Variants in ABI3BP observed in about 807,000 individuals in gnomAD.
ABI3BP encodes ABI family member 3 binding protein.
A neutral mutation model predicts 268.6 loss-of-function variants in ABI3BP; 216 were observed. The observed-to-expected ratio is 0.80, with a 90% confidence interval of 0.72 to 0.90. The LOEUF (loss-of-function observed/expected upper bound fraction) is 0.90, where lower values mean the gene tolerates loss of function less well. ABI3BP is among the 40% of genes least tolerant of loss of function. ABI3BP has a pLI of 0.00. For missense variants in ABI3BP, 2,090 were observed against 2,182.4 expected (o/e 0.96, Z 0.84); for synonymous variants, 730 against 730.0 (o/e 1.00, Z 0.00).
At chr3:100,910,509 A>G (rs1357653006) in intron 2 of ABI3BP, among the ~76,000 whole-genome samples, 2 of 152,056 alleles carry the variant, frequency 1.3e-5, no homozygotes, top group African/African-American at 4.8e-5. Flanking sequence ...GTGAAAATAA[A>G]TTCTATTTCT....
chr3:100,943,349 A>C (rs1488784860), intron 1 of ABI3BP, among the ~76,000 whole-genome samples: 1 of 152,062 alleles, frequency 6.6e-6, no homozygotes, highest in Non-Finnish European at 1.5e-5. Flanking sequence ...CTTCACCCCC[A>C]AACACTTCAG....
At chr3:100,750,715 T>A in intron 67 of ABI3BP, 105 bp from the exon 68 acceptor site, 1 of 710,936 alleles carries the variant, frequency 1.4e-6, no homozygotes, top group South Asian at 2.1e-5. Flanking sequence ...CTAATCTTAG[T>A]GAAGCGAGGT....
intron 57 of ABI3BP, among the ~76,000 whole-genome samples, chr3:100,784,423 G>A (rs1468621767): frequency 6.6e-6 from 1 of 152,090 alleles, no homozygotes. Context: ...CTTATACATC[G>A]CTGGTGGGAA....
intron 1 of ABI3BP, among the ~76,000 whole-genome samples, chr3:100,934,831 G>GTTT (rs2065325450): frequency 1.3e-5 from 2 of 149,192 alleles, no homozygotes; most frequent in Non-Finnish European, 3.0e-5. Context: ...TGATGGGGTT[G>GTTT]TTTTCTTGTA....
At chr3:100,988,520 TC>T (rs1294646104) in intron 1 of ABI3BP, among the ~76,000 whole-genome samples, 2 of 152,106 alleles carry the variant, frequency 1.3e-5, no homozygotes, top group Non-Finnish European at 2.9e-5. Flanking sequence ...CTCTCAGCAA[TC>T]CTTCTCCTTG....
chr3:100,938,406 T>C (rs1346058912), intron 1 of ABI3BP, among the ~76,000 whole-genome samples: 1 of 151,864 alleles, frequency 6.6e-6, no homozygotes, highest in East Asian at 1.9e-4. Context: ...TCTGTTCAAA[T>C]GACTCTCCCT....
intron 2 of ABI3BP, among the ~76,000 whole-genome samples, chr3:100,907,511 T>C (rs1340372487): frequency 6.6e-6 from 1 of 151,898 alleles, no homozygotes; most frequent in Non-Finnish European, 1.5e-5. Context: ...ATAAAAGCTG[T>C]AACAATGTCA....
At chr3:100,808,504 AG>A (rs1334619896) in intron 49 of ABI3BP, among the ~76,000 whole-genome samples, 3 of 152,122 alleles carry the variant, frequency 2.0e-5, no homozygotes, top group Non-Finnish European at 4.4e-5. Context: ...CCTTCTAAAT[AG>A]TTTGAAAATA....
In ABI3BP at chr3:100,816,712, G is replaced by A. The variant is rs1458478354; in HGVS notation, c.3205C>T (p.Pro1069Ser). 2.6e-6 allele frequency: 4 copies of A among 1,535,876 alleles called. No individual in the cohort carries two copies. In the Admixed American group the frequency reaches 7.8e-5, roughly 30 times the overall value. The change falls in exon 43 of 68, where the codon CCT becomes TCT. Residue 1069 changes from proline (P) to serine (S), a missense_variant. By Grantham distance (74) the Pro-to-Ser change is moderately conservative. Transcript: ENST00000471714. Reference sequence around the variant, plus strand: ...CCCGATTTGTTCTGAGGTACTTCAGGACTTGATGTAGTTTTGGGTCTGGGA... The same window carrying A: ...CCCGATTTGTTCTGAGGTACTTCAGAACTTGATGTAGTTTTGGGTCTGGGA... ...PRPRPKTTSSPEVPQNKSVSV... is the reference protein window; with the variant it reads ...PRPRPKTTSSSEVPQNKSVSV...
At chr3:100,833,368 A>G (rs1230303225) in intron 29 of ABI3BP, among the ~76,000 whole-genome samples, 1 of 152,178 alleles carries the variant, frequency 6.6e-6, no homozygotes, top group Non-Finnish European at 1.5e-5. Context: ...ATGGTTAACT[A>G]CCAGTTTTTC....
chr3:100,792,420 G>A (rs574833957), intron 55 of ABI3BP, among the ~76,000 whole-genome samples: 3 of 151,438 alleles, frequency 2.0e-5, no homozygotes, highest in Admixed American at 2.0e-4. Context: ...CAAATGTGTG[G>A]AAAAAATGGG....
intron 1 of ABI3BP, among the ~76,000 whole-genome samples, chr3:100,972,561 C>T (rs187149329): frequency 3.4e-4 from 52 of 152,300 alleles, no homozygotes; most frequent in African/African-American, 1.2e-3. Context: ...ATAAACATTT[C>T]CATTAGGTTC....
intron 9 of ABI3BP, among the ~76,000 whole-genome samples, chr3:100,874,312 C>G (rs1437332207): frequency 6.6e-6 from 1 of 152,188 alleles, no homozygotes; most frequent in East Asian, 1.9e-4. Context: ...TTAAATGCAG[C>G]AACCAACTCA....
intron 43 of ABI3BP, 132 bp from the exon 44 acceptor site, chr3:100,816,103 A>G: frequency 4.5e-6 from 3 of 671,308 alleles, no homozygotes; most frequent in Non-Finnish European, 7.2e-6. Flanking sequence ...TAGGCAGCAT[A>G]TAGTTGCTTT....
At chr3:100,885,308 C>T (rs1561263879) in intron 6 of ABI3BP, among the ~76,000 whole-genome samples, 1 of 151,858 alleles carries the variant, frequency 6.6e-6, no homozygotes, top group African/African-American at 2.4e-5. Flanking sequence ...TTAGAATAAG[C>T]TACATTGAAT....
At chr3:100,823,097 A>G (rs192436432) in intron 37 of ABI3BP, among the ~76,000 whole-genome samples, 97 of 152,274 alleles carry the variant, frequency 6.4e-4, no homozygotes, top group African/African-American at 2.2e-3. Context: ...TGCAAATAGA[A>G]AAAAGGGTAA....
rs370716600 is a variant in ABI3BP at position 100,821,212 on chromosome 3, A to G, written c.2888-99T>C. The G allele has an allele frequency of 4.2e-6, 4 of 946,270 alleles. No individual in the cohort carries two copies. The South Asian group carries it at 4.7e-5, about 11-fold the overall frequency. The allele number at this position is 946,270 out of a possible 1,614,324, so 58.6% of individuals were successfully genotyped here. A position where few individuals can be genotyped will look rare whatever the true frequency, so the allele number is the denominator to read the frequency against. ...GAGTCTTACTAGTATAATACAGCTTATAGAATTATATAGCAACCTTTAAAA... is the reference window on the plus strand; with the variant it reads ...GAGTCTTACTAGTATAATACAGCTTGTAGAATTATATAGCAACCTTTAAAA... On this transcript the variant is annotated intron_variant, in intron 38 of 67. Coordinates refer to ENST00000471714, the MANE Select transcript of ABI3BP (RefSeq NM_001375547.2).
intron 1 of ABI3BP, among the ~76,000 whole-genome samples, chr3:100,960,690 A>G (rs1043085932): frequency 2.6e-5 from 4 of 152,236 alleles, no homozygotes; most frequent in Non-Finnish European, 4.4e-5. Context: ...GATTCAACCC[A>G]TAAGTGCGGA....
chr3:100,849,972 A>G (rs969380011), intron 17 of ABI3BP, 73 bp downstream of exon 17: 5 of 1,317,790 alleles, frequency 3.8e-6, no homozygotes, highest in Non-Finnish European at 5.3e-6. Context: ...CAAAATTCTG[A>G]AATGGCCAAC....
Sources: gnomAD v4.1 joint callset for allele counts (sites outside exome capture counted in the v4.1 genomes callset) on GRCh38, gnomAD v4.1.1 for gene constraint, MANE v1.5 for transcripts, NCBI Gene and HGNC (gene_info 2026-07-23, HGNC 2026-07-21) for gene names.